PKHD1: variants seen among roughly 807,000 people sequenced by gnomAD.
The protein encoded by PKHD1 is PKHD1 ciliary IPT domain containing fibrocystin/polyductin, also known as fibrocystin.
PKHD1 carries 291 observed loss-of-function variants against 412.0 expected under a neutral mutation model. The ratio of observed to expected loss-of-function variants is 0.71; its 90% CI spans 0.64 to 0.78. PKHD1 has a LOEUF of 0.78. PKHD1 is among the 30% of genes least tolerant of loss of function. PKHD1 has a pLI of 0.00. For synonymous variants in PKHD1, 1,777 were observed against 1,821.5 expected (o/e 0.98, Z 0.62); for missense variants, 4,825 against 4,950.7 (o/e 0.97, Z 0.76).
intron 43 of PKHD1, among the ~76,000 whole-genome samples, chr6:51,898,440 G>C (rs1191487673): frequency 6.7e-6 from 1 of 148,460 alleles, no homozygotes; most frequent in African/African-American, 2.5e-5. Flanking sequence ...AATGAAGGCA[G>C]AAATAAAGAT....
At chr6:51,986,630 T>C (rs936503486) in intron 35 of PKHD1, among the ~76,000 whole-genome samples, 1 of 152,226 alleles carries the variant, frequency 6.6e-6, no homozygotes, top group Non-Finnish European at 1.5e-5. Flanking sequence ...ACCACCTATG[T>C]TCAAGTAAAA....
intron 60 of PKHD1, among the ~76,000 whole-genome samples, chr6:51,687,702 C>G (rs1777618599): frequency 6.6e-6 from 1 of 152,168 alleles, no homozygotes; most frequent in Non-Finnish European, 1.5e-5. Context: ...TAATTAAATA[C>G]TGGTCTCTTG....
chr6:52,049,898 A>G (rs1251875922), intron 22 of PKHD1, among the ~76,000 whole-genome samples: 1 of 152,244 alleles, frequency 6.6e-6, no homozygotes, highest in Non-Finnish European at 1.5e-5. Flanking sequence ...AGACCAGCAG[A>G]ATCAGCATCA....
intron 60 of PKHD1, among the ~76,000 whole-genome samples, chr6:51,696,732 C>T (rs609685): frequency 0.048 from 7,250 of 152,162 alleles, 259 homozygotes; most frequent in Middle Eastern, 0.12. Context: ...GAGAACTGTG[C>T]GTGGGATAGA....
intron 52 of PKHD1, among the ~76,000 whole-genome samples, chr6:51,808,010 G>C (rs1764110376): frequency 6.6e-6 from 1 of 152,042 alleles, no homozygotes; most frequent in Admixed American, 6.6e-5. Context: ...GCATGTCTCT[G>C]TAAAAACCAC....
chr6:52,077,232 A>G (rs950973506), intron 5 of PKHD1, among the ~76,000 whole-genome samples: 1 of 152,064 alleles, frequency 6.6e-6, no homozygotes, highest in African/African-American at 2.4e-5. Context: ...AATCCCAGGA[A>G]CTCCATCTCA....
In PKHD1 at chr6:51,619,053, T is replaced by C; in HGVS notation, c.*28A>G. The C allele has an allele frequency of 3.1e-6, 5 of 1,600,286 alleles. No individual in the cohort carries two copies. Among genetic ancestry groups the C allele is most frequent in the Non-Finnish European group, 4.3e-6 (5 of 1,167,678 alleles). ...AGAAATACTGGGAACATTCTGCCTT[T>C]CAGGCCAAATGCCCCCAACTTCCCT... On this transcript the variant is annotated 3_prime_UTR_variant, in exon 67 of 67. Transcript: ENST00000371117.
intron 35 of PKHD1, among the ~76,000 whole-genome samples, chr6:51,996,956 A>G (rs895659540): frequency 6.6e-6 from 1 of 152,232 alleles, no homozygotes; most frequent in African/African-American, 2.4e-5. Flanking sequence ...GCTCTATTCT[A>G]TAAGTGCACA....
Position 52,076,295 on chromosome 6 carries a change from A to G in PKHD1, c.429T>C (p.Tyr143=). The G allele has an allele frequency of 6.2e-7, 1 of 1,611,556 alleles. No homozygotes were observed. The highest frequency in any genetic ancestry group is 8.5e-7 in the Non-Finnish European group (1 of 1,177,720). The stretch of plus-strand genomic sequence containing the variant: ...TCTTACCTGGAACACCACTTGGTGG[A>G]TAAACTTGGTGAACGATGGGTGTCT... ...KAQTPIVHQV[Y]PPSGVPGKLI... is the part of the protein sequence containing the mutation. The change falls in exon 6 of 67, where the codon TAT becomes TAC. Residue 143 remains tyrosine (Y), a synonymous_variant. Transcript: ENST00000371117.
chr6:52,025,963 A>C lies in PKHD1; in HGVS notation c.3847T>G (p.Ser1283Ala). The change falls in exon 32 of 67, where the codon TCA (serine) becomes GCA (alanine). Residue 1283 changes from serine (S) to alanine (A), a missense_variant. Transcript: ENST00000371117. ...AAGCCTTTCCCCACCAAGCTTGGTG[A>C]AGGACCACGGGCGAAGAACCTGTTG... ...AGNRFFARGP[S>A]PSLVGKGFTF... 2 of 1,614,120 alleles carry C rather than the reference A, an allele frequency of 1.2e-6. No homozygotes were observed. The highest frequency in any genetic ancestry group is 8.5e-7 in the Non-Finnish European group (1 of 1,180,042).
At chr6:51,828,835 A>T (rs997383334) in intron 52 of PKHD1, among the ~76,000 whole-genome samples, 1 of 152,056 alleles carries the variant, frequency 6.6e-6, no homozygotes, top group Non-Finnish European at 1.5e-5. Flanking sequence ...GCCTGTCAAA[A>T]ATCAGAAGGG....
Position 51,885,949 on chromosome 6 carries a change from T to C in PKHD1, c.7133A>G (p.Lys2378Arg), listed in dbSNP as rs1335220318. The change falls in exon 45 of 67, where the codon AAA (lysine) becomes AGA (arginine). Residue 2378 changes from lysine to arginine, a missense_variant. Lys to Arg is a conservative substitution (Grantham distance 26, BLOSUM62 2). Coordinates refer to ENST00000371117, the MANE Select transcript of PKHD1 (RefSeq NM_138694.4). ...GACATTATCCCAAGGTGGCTGAAAT[T>C]TAGGGTATACAAAGAGACCATACCT... is the stretch of plus-strand genomic sequence containing the variant. ...CTRYGLFVYP[K>R]FQPPWDNVTG... is the part of the protein sequence containing the mutation. The C allele has an allele frequency of 6.2e-7, 1 of 1,609,124 alleles. No homozygotes were observed. Among genetic ancestry groups the C allele is most frequent in the Admixed American group, 1.7e-5 (1 of 59,966 alleles).
At chr6:51,756,299 C>T (rs947354742) in intron 55 of PKHD1, among the ~76,000 whole-genome samples, 1 of 152,046 alleles carries the variant, frequency 6.6e-6, no homozygotes, top group African/African-American at 2.4e-5. Context: ...AAACTAAGTT[C>T]CAAATAGATT....
intron 53 of PKHD1, among the ~76,000 whole-genome samples, chr6:51,777,679 GAAAAAAAAAAAAAA>G (rs59379021): frequency 3.5e-4 from 41 of 118,804 alleles, no homozygotes; most frequent in African/African-American, 7.2e-4. Context: ...GAGTCTTTGG[GAAAAAAAAAAAAAA>G]AAAAAAAAAA....
intron 61 of PKHD1, among the ~76,000 whole-genome samples, chr6:51,656,563 A>C (rs948719428): frequency 6.6e-6 from 1 of 152,044 alleles, no homozygotes; most frequent in Non-Finnish European, 1.5e-5. Flanking sequence ...CTAGAGAAAG[A>C]CCAGAAGAGG....
In PKHD1 at chr6:51,619,351, ACCT is replaced by A. The variant is rs1329790948; in HGVS notation, c.11952_11954del (p.Gly3985del). The A allele has an allele frequency of 3.7e-6, 6 of 1,614,176 alleles. No individual in the cohort carries two copies. The highest frequency in any genetic ancestry group is 5.1e-6 in the Non-Finnish European group (6 of 1,180,022). On this transcript the variant is annotated inframe_deletion, in exon 67 of 67. Coordinates refer to ENST00000371117, the MANE Select transcript of PKHD1 (RefSeq NM_138694.4). Reference sequence around the variant, plus strand: ...GCAGGTACACCTGCTGAGCAGGAGCACCTGGAGCACAGATGTGCCCATGGGATG... The same window carrying A: ...GCAGGTACACCTGCTGAGCAGGAGCAGGAGCACAGATGTGCCCATGGGATG...
rs372335234 is a variant in PKHD1, at chr6:52,042,359, G to A, written c.3097+500C>T. ...GGGCTTTATGCTCTAATGTTTATTC[G>A]TTAACAAACATAAGCATCAGTATTC... On this transcript the variant is annotated intron_variant, in intron 27 of 66. Transcript: ENST00000371117. Among the ~76,000 whole-genome samples, 31 of 152,260 alleles carry A rather than the reference G, an allele frequency of 2.0e-4. No homozygotes were observed. The East Asian group carries it at 2.5e-3, about 12-fold the overall frequency.
chr6:51,960,572 C>A (rs1159503164), intron 35 of PKHD1, among the ~76,000 whole-genome samples: 1 of 152,124 alleles, frequency 6.6e-6, no homozygotes, highest in African/African-American at 2.4e-5. Flanking sequence ...TAGGAACATT[C>A]CTCTTCCTAA....
chr6:51,644,203 T>TA (rs1341121240), intron 63 of PKHD1, among the ~76,000 whole-genome samples: 23 of 150,786 alleles, frequency 1.5e-4, no homozygotes, highest in Non-Finnish European at 2.2e-4. Context: ...ATGGTGACAT[T>TA]AAAAAAAAAC....
Sources: gnomAD v4.1 joint callset for allele counts (sites outside exome capture counted in the v4.1 genomes callset) on GRCh38, gnomAD v4.1.1 for gene constraint, MANE v1.5 for transcripts, NCBI Gene and HGNC (gene_info 2026-07-23, HGNC 2026-07-21) for gene names.